CCDC38: variants seen among roughly 807,000 people sequenced by gnomAD.
The protein encoded by CCDC38 is coiled-coil domain containing 38, also known as coiled-coil domain-containing protein 38.
A neutral mutation model predicts 72.8 loss-of-function variants in CCDC38; 69 were observed. The ratio of observed to expected loss-of-function variants is 0.95; its 90% CI spans 0.78 to 1.16. The LOEUF is 1.16. CCDC38 is among the 50% of genes most tolerant of loss of function. CCDC38 has a pLI of 0.00. For missense variants in CCDC38, 626 were observed against 638.9 expected (o/e 0.98, Z 0.22); for synonymous variants, 201 against 213.2 (o/e 0.94, Z 0.50).
intron 1 of CCDC38, 23 bp from the exon 2 acceptor site, chr12:95,936,546 G>GT (rs2080396525): frequency 6.2e-7 from 1 of 1,601,136 alleles, no homozygotes; most frequent in Non-Finnish European, 8.5e-7. Flanking sequence ...AAAAAAATAC[G>GT]TTTTTTAAAA....
chr12:95,928,324 A>G (rs1393430668), intron 2 of CCDC38, among the ~76,000 whole-genome samples: 1 of 152,136 alleles, frequency 6.6e-6, no homozygotes, highest in African/African-American at 2.4e-5. Flanking sequence ...CTTCCAGTTG[A>G]TCGCATCAGC....
rs186654370 is a variant in CCDC38, at chr12:95,886,459, A to C, written c.920+1999T>G. On this transcript the variant is annotated intron_variant, in intron 10 of 15. Transcript: ENST00000344280. ...GCATGAACTATAAAAGAAAAAATTCATAACCCGAAATTCATCAAAATTAAA... is the reference window on the plus strand; with the variant it reads ...GCATGAACTATAAAAGAAAAAATTCCTAACCCGAAATTCATCAAAATTAAA... 5.1e-3 allele frequency among the ~76,000 whole-genome samples: 782 copies of C among 152,334 alleles called. 6 individuals are homozygous for C. The highest frequency in any genetic ancestry group is 0.014 in the Middle Eastern group (4 of 294).
intron 4 of CCDC38, among the ~76,000 whole-genome samples, chr12:95,916,918 G>A (rs1439517881): frequency 1.3e-5 from 2 of 152,032 alleles, no homozygotes; most frequent in South Asian, 2.1e-4. Flanking sequence ...CTGGGAGGAC[G>A]GTTATGAAAA....
intron 10 of CCDC38, among the ~76,000 whole-genome samples, chr12:95,882,424 G>A (rs997989238): frequency 6.6e-6 from 1 of 152,130 alleles, no homozygotes; most frequent in African/African-American, 2.4e-5. Context: ...TCACAGGAAG[G>A]AAAACAGCTT....
intron 2 of CCDC38, among the ~76,000 whole-genome samples, chr12:95,930,865 T>G (rs555256531): frequency 1.3e-4 from 20 of 152,236 alleles, no homozygotes; most frequent in South Asian, 8.3e-4. Context: ...CAAATCAAAT[T>G]CTAGTAGCTG....
intron 2 of CCDC38, among the ~76,000 whole-genome samples, chr12:95,928,850 C>T (rs1051314850): frequency 5.9e-5 from 9 of 152,314 alleles, no homozygotes; most frequent in Middle Eastern, 3.4e-3. Flanking sequence ...TTAGGCTGCT[C>T]GGGGGTCAGG....
At chr12:95,919,283 C>T (rs1352792420) in intron 2 of CCDC38, among the ~76,000 whole-genome samples, 3 of 152,212 alleles carry the variant, frequency 2.0e-5, no homozygotes, top group Non-Finnish European at 2.9e-5. Context: ...GGTACAGAAA[C>T]AGCTGGATTG....
At position 95,927,701 on chromosome 12, in the gene CCDC38, A is replaced by G. The variant is rs933316793; in HGVS notation, c.38-8725T>C. Among the ~76,000 whole-genome samples the G allele has an allele frequency of 3.1e-4, 47 of 152,218 alleles. 1 individual carries two copies. Among genetic ancestry groups the G allele is most frequent in the African/African-American group, 1.1e-3 (44 of 41,518 alleles). On this transcript the variant is annotated intron_variant, in intron 2 of 15. Coordinates refer to ENST00000344280, the MANE Select transcript of CCDC38 (RefSeq NM_182496.3). ...TTGGTTGTTCCTTTCCATGTTTAGCACTTCCTTCAGGAGCTCTTGTAGGGC... is the reference window on the plus strand; with the variant it reads ...TTGGTTGTTCCTTTCCATGTTTAGCGCTTCCTTCAGGAGCTCTTGTAGGGC...
intron 13 of CCDC38, among the ~76,000 whole-genome samples, chr12:95,876,563 C>A (rs1051159466): frequency 6.6e-6 from 1 of 152,004 alleles, no homozygotes; most frequent in African/African-American, 2.4e-5. Context: ...GTATATTGTA[C>A]CACAGTTTTA....
chr12:95,929,897 T>C (rs1341587314), intron 2 of CCDC38, among the ~76,000 whole-genome samples: 1 of 152,180 alleles, frequency 6.6e-6, no homozygotes, highest in Admixed American at 6.5e-5. Flanking sequence ...CAGTTCTAGC[T>C]TCTGATGGCT....
Position 95,897,714 on chromosome 12 carries a change from A to G in CCDC38, c.614+671T>C, listed in dbSNP as rs187937895. 2.8e-3 allele frequency among the ~76,000 whole-genome samples: 420 copies of G among 151,598 alleles called. 2 individuals carry two copies. The highest frequency in any genetic ancestry group is 5.1e-3 in the Non-Finnish European group (347 of 67,916). On this transcript the variant is annotated intron_variant, in intron 7 of 15. Coordinates refer to ENST00000344280, the MANE Select transcript of CCDC38 (RefSeq NM_182496.3). The stretch of plus-strand genomic sequence containing the variant: ...GTGGCAGATGGTACAATTTTATCCC[A>G]ACTCCTGCTCCAATGCTTTTTTCTC...
At chr12:95,882,319 A>G (rs2079709982) in intron 10 of CCDC38, among the ~76,000 whole-genome samples, 1 of 152,136 alleles carries the variant, frequency 6.6e-6, no homozygotes, top group Admixed American at 6.6e-5. Context: ...AAATCATGGG[A>G]ACCAAAAATA....
intron 2 of CCDC38, among the ~76,000 whole-genome samples, chr12:95,927,698 A>G (rs2080287866): frequency 6.6e-6 from 1 of 152,160 alleles, no homozygotes; most frequent in Admixed American, 6.5e-5. Flanking sequence ...TTCCATGTTT[A>G]GCACTTCCTT....
chr12:95,889,794 C>A (rs1388857015), intron 9 of CCDC38, among the ~76,000 whole-genome samples: 1 of 152,056 alleles, frequency 6.6e-6, no homozygotes, highest in African/African-American at 2.4e-5. Context: ...GAGATCAGAC[C>A]CCTCCCACAA....
chr12:95,922,691 C>A (rs1038013990), intron 2 of CCDC38, among the ~76,000 whole-genome samples: 1 of 152,110 alleles, frequency 6.6e-6, no homozygotes, highest in Non-Finnish European at 1.5e-5. Context: ...TATGTCAAGG[C>A]AGCACATACA....
intron 5 of CCDC38, among the ~76,000 whole-genome samples, chr12:95,899,943 T>C (rs1401470470): frequency 6.6e-6 from 1 of 152,030 alleles, no homozygotes; most frequent in Non-Finnish European, 1.5e-5. Context: ...CTATCATGTA[T>C]AGAACAGCCA....
At chr12:95,931,577 CA>C (rs1199030341) in intron 2 of CCDC38, among the ~76,000 whole-genome samples, 1 of 152,110 alleles carries the variant, frequency 6.6e-6, no homozygotes, top group Admixed American at 6.5e-5. Context: ...TTCATTCATC[CA>C]CTCATTCATT....
Position 95,888,493 on chromosome 12 carries a change from T to C in CCDC38, c.885A>G (p.Arg295=). Reference sequence around the variant, plus strand: ...TTTTCTCTGGAGTGCGAGTCAGGCTTCTGCTTGGCTTTCCTGTTCAAAATG... The same window carrying C: ...TTTTCTCTGGAGTGCGAGTCAGGCTCCTGCTTGGCTTTCCTGTTCAAAATG... The part of the protein sequence containing the change: ...QGRDSQGKPS[R]SLTRTPEKKK... Residue 295 remains arginine, a synonymous_variant, in exon 10 of 16, where the codon AGA becomes AGG. Coordinates refer to ENST00000344280, the MANE Select transcript of CCDC38 (RefSeq NM_182496.3). 1.2e-6 allele frequency: 2 copies of C among 1,614,122 alleles called. No homozygotes were observed. The highest frequency in any genetic ancestry group is 1.7e-6 in the Non-Finnish European group (2 of 1,180,022).
At chr12:95,892,081 CTTTT>C (rs67478657) in intron 8 of CCDC38, among the ~76,000 whole-genome samples, 1 of 97,996 alleles carries the variant, frequency 1.0e-5, no homozygotes, top group African/African-American at 4.6e-5. Context: ...GATCACTCTG[CTTTT>C]TTTTTTTTTT....
Sources: gnomAD v4.1 joint callset for allele counts (sites outside exome capture counted in the v4.1 genomes callset) on GRCh38, gnomAD v4.1.1 for gene constraint, MANE v1.5 for transcripts, NCBI Gene and HGNC (gene_info 2026-07-23, HGNC 2026-07-21) for gene names.